ERBB4: variants seen among roughly 807,000 people sequenced by gnomAD.
ERBB4 encodes the protein receptor tyrosine-protein kinase erbB-4.
A neutral mutation model predicts 158.0 loss-of-function variants in ERBB4; 42 were observed. The observed-to-expected ratio is 0.27, with a 90% CI of 0.21 to 0.34. The LOEUF (loss-of-function observed/expected upper bound fraction) is 0.34, where lower values mean the gene tolerates loss of function less well. Among genes scored for constraint, ERBB4 ranks in the 10% least tolerant of loss-of-function variants. The probability of loss-of-function intolerance (pLI) is 1.00; values close to 1 mark genes in which losing one functional copy is unlikely to be tolerated. For synonymous variants in ERBB4, 583 were observed against 558.7 expected (o/e 1.04, Z -0.61); for missense variants, 1,333 against 1,624.1 (o/e 0.82, Z 3.08).
At chr2:212,536,635 A>G (rs1248187243) in intron 1 of ERBB4, among the ~76,000 whole-genome samples, 1 of 152,242 alleles carries the variant, frequency 6.6e-6, no homozygotes, top group East Asian at 1.9e-4. Flanking sequence ...GAGACGAGGA[A>G]GAGGACAGCT....
intron 1 of ERBB4, among the ~76,000 whole-genome samples, chr2:212,329,423 T>A (rs1208241199): frequency 6.6e-6 from 1 of 152,108 alleles, no homozygotes; most frequent in Non-Finnish European, 1.5e-5. Flanking sequence ...TATGATAAAG[T>A]ATGAAAGTTC....
intron 1 of ERBB4, among the ~76,000 whole-genome samples, chr2:212,418,782 A>G (rs944778065): frequency 5.3e-5 from 8 of 151,774 alleles, no homozygotes; most frequent in Admixed American, 1.3e-4. Context: ...TTACCACAAA[A>G]TCTTCATAAT....
intron 1 of ERBB4, among the ~76,000 whole-genome samples, chr2:212,156,585 T>C (rs1269179225): frequency 1.3e-5 from 2 of 152,108 alleles, no homozygotes; most frequent in South Asian, 2.1e-4. Context: ...CAAGGAAAAA[T>C]CACTGTTGAT....
chr2:212,262,581 T>C (rs536106032), intron 1 of ERBB4, among the ~76,000 whole-genome samples: 3 of 152,284 alleles, frequency 2.0e-5, no homozygotes, highest in East Asian at 1.9e-4. Context: ...TTCCAATGCT[T>C]TGAATAAAGG....
chr2:211,444,097 A>T (rs1297813224), intron 20 of ERBB4, among the ~76,000 whole-genome samples: 2 of 151,428 alleles, frequency 1.3e-5, no homozygotes, highest in Non-Finnish European at 2.9e-5. Flanking sequence ...CCATCGTTAA[A>T]GTTTGTGGGG....
intron 3 of ERBB4, among the ~76,000 whole-genome samples, chr2:211,877,445 T>C (rs1180808768): frequency 6.6e-6 from 1 of 152,234 alleles, no homozygotes; most frequent in Non-Finnish European, 1.5e-5. Context: ...TATAAATTGA[T>C]TTACTTTATA....
chr2:212,388,481 G>A (rs572224114), intron 1 of ERBB4, among the ~76,000 whole-genome samples: 22 of 152,112 alleles, frequency 1.4e-4, no homozygotes, highest in South Asian at 4.2e-4. Context: ...AGAGTTCTTC[G>A]TGCTGTTATA....
intron 19 of ERBB4, among the ~76,000 whole-genome samples, chr2:211,569,920 A>G (rs2067663878): frequency 2.0e-5 from 3 of 152,132 alleles, no homozygotes; most frequent in Non-Finnish European, 4.4e-5. Flanking sequence ...CTTGATCTCC[A>G]ATATTAACTA....
chr2:211,854,900 T>C lies in ERBB4; in HGVS notation c.422-66741A>G, dbSNP rs574366765. On this transcript the variant is annotated intron_variant, in intron 3 of 27. Coordinates refer to ENST00000342788, the MANE Select transcript of ERBB4 (RefSeq NM_005235.3). ...GTGAATTCTAAGTTTCTAGATCACA[T>C]GGTAGGCATATTATACCTTTAGCCG... 3.3e-5 allele frequency among the ~76,000 whole-genome samples: 5 copies of C among 152,264 alleles called. No homozygotes were observed. The East Asian group carries it at 9.6e-4, about 29-fold the overall frequency.
At chr2:212,326,492 G>A (rs894923850) in intron 1 of ERBB4, among the ~76,000 whole-genome samples, 1 of 150,534 alleles carries the variant, frequency 6.6e-6, no homozygotes, top group Non-Finnish European at 1.5e-5. Flanking sequence ...AGATTCCTTA[G>A]CTTAAAAAAA....
intron 4 of ERBB4, among the ~76,000 whole-genome samples, chr2:211,772,133 T>C (rs2075706425): frequency 1.3e-5 from 2 of 152,166 alleles, no homozygotes; most frequent in Non-Finnish European, 2.9e-5. Flanking sequence ...TACTACATAA[T>C]GGTGTGATAC....
chr2:212,391,651 T>TATTATAC (rs1325981078), intron 1 of ERBB4, among the ~76,000 whole-genome samples: 1 of 142,734 alleles, frequency 7.0e-6, no homozygotes, highest in African/African-American at 2.6e-5. Flanking sequence ...TAATATTATA[T>TATTATAC]ATTATATTAT....
intron 1 of ERBB4, among the ~76,000 whole-genome samples, chr2:212,314,382 T>C (rs1017220356): frequency 6.6e-6 from 1 of 150,462 alleles, no homozygotes. Context: ...GTTAACAGCA[T>C]CCCAAAGTGG....
chr2:211,540,686 C>G (rs1013966268), intron 20 of ERBB4, among the ~76,000 whole-genome samples: 1 of 151,762 alleles, frequency 6.6e-6, no homozygotes, highest in African/African-American at 2.4e-5. Context: ...GCCTCAGCCT[C>G]CCGAGTATAA....
intron 1 of ERBB4, among the ~76,000 whole-genome samples, chr2:212,267,365 T>C (rs891301694): frequency 3.3e-5 from 5 of 151,832 alleles, no homozygotes; most frequent in African/African-American, 4.8e-5. Flanking sequence ...TGGAGGCTCA[T>C]AGATAAAAAA....
At chr2:211,478,054 C>T (rs1159908439) in intron 20 of ERBB4, among the ~76,000 whole-genome samples, 1 of 152,086 alleles carries the variant, frequency 6.6e-6, no homozygotes, top group Non-Finnish European at 1.5e-5. Context: ...CATTCAAGGC[C>T]AACAGGAAGC....
chr2:212,252,744 C>T (rs1487260958), intron 1 of ERBB4, among the ~76,000 whole-genome samples: 1 of 151,920 alleles, frequency 6.6e-6, no homozygotes, highest in Non-Finnish European at 1.5e-5. Flanking sequence ...ACAGACAGGT[C>T]ATCTATAATA....
intron 20 of ERBB4, among the ~76,000 whole-genome samples, chr2:211,504,077 G>A (rs13003758): frequency 0.3 from 45,447 of 151,890 alleles, 7,403 homozygotes; most frequent in East Asian, 0.42. Context: ...AGGGCCATTT[G>A]CAACTTCTGC....
chr2:211,899,265 G>T (rs2079173167), intron 3 of ERBB4, among the ~76,000 whole-genome samples: 1 of 152,028 alleles, frequency 6.6e-6, no homozygotes, highest in African/African-American at 2.4e-5. Flanking sequence ...TTGTTGAAAT[G>T]ACTATAGAAT....
Sources: allele counts gnomAD v4.1 joint callset (sites outside exome capture counted in the v4.1 genomes callset), GRCh38; gene constraint gnomAD v4.1.1; transcripts MANE v1.5; gene names NCBI Gene and HGNC (gene_info 2026-07-23, HGNC 2026-07-21).